Variants in KIF2A observed in about 807,000 individuals in gnomAD.
KIF2A encodes kinesin-like protein KIF2A.
Under a neutral mutation model 100.2 loss-of-function variants are expected in KIF2A, and 22 were observed. The observed-to-expected ratio is 0.22, with a 90% confidence interval of 0.16 to 0.31. KIF2A has a LOEUF of 0.31. Ranked by LOEUF, KIF2A falls within the 10% of genes least tolerant of loss-of-function variation. KIF2A has a pLI of 1.00. For missense variants in KIF2A, 495 were observed against 898.7 expected (o/e 0.55, Z 5.74); for synonymous variants, 268 against 285.9 (o/e 0.94, Z 0.63).
intron 1 of KIF2A, among the ~76,000 whole-genome samples, chr5:62,317,422 A>T (rs1745871467): frequency 6.6e-6 from 1 of 152,214 alleles, no homozygotes; most frequent in Non-Finnish European, 1.5e-5. Flanking sequence ...ATTTAACCAC[A>T]GAAAGCTCTT....
intron 1 of KIF2A, among the ~76,000 whole-genome samples, chr5:62,315,536 AG>A (rs1745773848): frequency 6.6e-6 from 1 of 152,258 alleles, no homozygotes; most frequent in Non-Finnish European, 1.5e-5. Flanking sequence ...CCTGAGGGCA[AG>A]GAGGCATTCT....
chr5:62,317,849 C>G (rs892970902), intron 1 of KIF2A, among the ~76,000 whole-genome samples: 2 of 152,176 alleles, frequency 1.3e-5, no homozygotes, highest in Non-Finnish European at 2.9e-5. Context: ...TACAAATGCT[C>G]TGTGGCTCTG....
chr5:62,349,841 G>A (rs1747762285), intron 3 of KIF2A, among the ~76,000 whole-genome samples: 1 of 152,082 alleles, frequency 6.6e-6, no homozygotes, highest in South Asian at 2.1e-4. Flanking sequence ...ATCAGTGCCT[G>A]GCTCATATTA....
intron 7 of KIF2A, among the ~76,000 whole-genome samples, chr5:62,356,454 AT>A (rs1159917818): frequency 6.6e-6 from 1 of 152,224 alleles, no homozygotes; most frequent in African/African-American, 2.4e-5. Flanking sequence ...GTTTCAATCA[AT>A]GTGTGTCAGT....
At chr5:62,381,470 G>A (rs1000116287) in intron 20 of KIF2A, among the ~76,000 whole-genome samples, 1 of 152,206 alleles carries the variant, frequency 6.6e-6, no homozygotes, top group Non-Finnish European at 1.5e-5. Context: ...TAAGAAGACA[G>A]TCATCTTAAA....
In KIF2A at chr5:62,306,500, C is replaced by G. The variant is rs1415260207; in HGVS notation, c.28C>G (p.Gln10Glu). Residue 10 changes from glutamine to glutamate, a missense_variant, in exon 1 of 21, where the codon CAG (glutamine) becomes GAG (glutamate). This residue lies in a region of KIF2A where 26 missense variants were observed against 16.4 expected (regional missense o/e 1.59). Transcript: ENST00000407818. MATANFGKI[Q>E]IGIYVEIKRS... is the part of the protein sequence containing the mutation. ...GGCAACGGCCAACTTCGGCAAGATC[C>G]AGATCGGGATTTACGTGGAGATCAA... 5.8e-6 allele frequency: 9 copies of G among 1,546,528 alleles called. No individual in the cohort carries two copies. In the Admixed American group the frequency reaches 1.4e-4, roughly 24 times the overall value.
chr5:62,362,567 A>G (rs755334695), intron 12 of KIF2A, 26 bp downstream of exon 12: 2 of 1,043,640 alleles, frequency 1.9e-6, no homozygotes, highest in Non-Finnish European at 2.6e-6. Context: ...TTTAATTTTA[A>G]TTTTTTAAAA....
chr5:62,358,994 A>G (rs555179128), intron 9 of KIF2A, among the ~76,000 whole-genome samples: 2 of 152,312 alleles, frequency 1.3e-5, no homozygotes, highest in Non-Finnish European at 1.5e-5. Context: ...TTATCAGTTA[A>G]TTATTAATTT....
chr5:62,311,267 G>A (rs368097641), intron 1 of KIF2A, among the ~76,000 whole-genome samples: 3 of 152,084 alleles, frequency 2.0e-5, no homozygotes, highest in African/African-American at 4.8e-5. Context: ...ACCGTATACC[G>A]CTTTTTACAG....
chr5:62,317,407 T>G (rs1292879363), intron 1 of KIF2A, among the ~76,000 whole-genome samples: 1 of 152,214 alleles, frequency 6.6e-6, no homozygotes, highest in African/African-American at 2.4e-5. Flanking sequence ...GAGGTACATC[T>G]TAGAATTTAA....
At chr5:62,364,212 A>G (rs2111961760) in intron 14 of KIF2A, among the ~76,000 whole-genome samples, 1 of 151,976 alleles carries the variant, frequency 6.6e-6, no homozygotes, top group Non-Finnish European at 1.5e-5. Context: ...CAGTGACACA[A>G]TCTCGGCTCA....
intron 16 of KIF2A, 98 bp from the exon 17 acceptor site, chr5:62,372,340 T>A: frequency 1.5e-6 from 1 of 687,506 alleles, no homozygotes; most frequent in South Asian, 1.7e-5. Context: ...TCAATATCCT[T>A]TTCTAAACAA....
At chr5:62,376,095 T>A (rs1418441435) in intron 18 of KIF2A, among the ~76,000 whole-genome samples, 2 of 152,208 alleles carry the variant, frequency 1.3e-5, no homozygotes, top group African/African-American at 4.8e-5. Flanking sequence ...AGATAAGTAC[T>A]CCCTATACAT....
At chr5:62,350,426 A>T (rs1026609339) in intron 4 of KIF2A, among the ~76,000 whole-genome samples, 1 of 151,802 alleles carries the variant, frequency 6.6e-6, no homozygotes, top group African/African-American at 2.4e-5. Context: ...CACAGGCATG[A>T]GCCACTATGC....
intron 5 of KIF2A, 192 bp from the exon 6 acceptor site, chr5:62,353,081 ACT>A: frequency 2.2e-6 from 1 of 459,854 alleles, no homozygotes; most frequent in Non-Finnish European, 3.9e-6. Flanking sequence ...ATTTTTCTGG[ACT>A]CTCATCTGTA....
At chr5:62,355,280 C>T (rs1200698594) in intron 7 of KIF2A, 26 bp downstream of exon 7, 2 of 1,174,658 alleles carry the variant, frequency 1.7e-6, no homozygotes, top group South Asian at 2.6e-5. Context: ...AACCATTATT[C>T]TGGAACTTTT....
At chr5:62,325,462 G>A (rs201656011) in intron 1 of KIF2A, among the ~76,000 whole-genome samples, 18 of 149,654 alleles carry the variant, frequency 1.2e-4, no homozygotes, top group Non-Finnish European at 7.4e-5. Context: ...TGCTCTGAAA[G>A]AAAAAAAAAA....
chr5:62,367,388 C>A (rs1465081071), intron 16 of KIF2A, among the ~76,000 whole-genome samples: 1 of 151,786 alleles, frequency 6.6e-6, no homozygotes, highest in African/African-American at 2.4e-5. Context: ...TGCCTCAGCC[C>A]CCTGGGTAGC....
chr5:62,314,855 T>C (rs1745736786), intron 1 of KIF2A, among the ~76,000 whole-genome samples: 1 of 147,940 alleles, frequency 6.8e-6, no homozygotes, highest in Non-Finnish European at 1.5e-5. Context: ...CTCCGCCTCC[T>C]GGGTTCAAGT....
Sources: allele counts gnomAD v4.1 joint callset (sites outside exome capture counted in the v4.1 genomes callset), GRCh38; gene constraint gnomAD v4.1.1; regional missense constraint gnomAD v4.1.1; transcripts MANE v1.5; gene names NCBI Gene and HGNC (gene_info 2026-07-23, HGNC 2026-07-21).